RNF170: variants seen among roughly 807,000 people sequenced by gnomAD.
The protein encoded by RNF170 is E3 ubiquitin-protein ligase RNF170.
In RNF170, 12 loss-of-function variants were observed where a neutral mutation model predicts 32.7. That is an observed-to-expected ratio of 0.37 (90% CI 0.24 to 0.60). The LOEUF (loss-of-function observed/expected upper bound fraction) is 0.60. RNF170 is among the 20% of genes least tolerant of loss of function. The probability of loss-of-function intolerance (pLI) is 0.72; values close to 1 mark genes in which losing one functional copy is unlikely to be tolerated. For synonymous variants in RNF170, 91 were observed against 103.6 expected (o/e 0.88, Z 0.74); for missense variants, 212 against 311.2 (o/e 0.68, Z 2.40).
At chr8:42,892,624 A>G (rs746656286) in intron 1 of RNF170, among the ~76,000 whole-genome samples, 1 of 151,572 alleles carries the variant, frequency 6.6e-6, no homozygotes, top group Non-Finnish European at 1.5e-5. Flanking sequence ...ATATAAAGTA[A>G]TATCTTACTG....
intron 1 of RNF170, among the ~76,000 whole-genome samples, chr8:42,894,512 C>T (rs775918951): frequency 3.3e-5 from 5 of 152,122 alleles, no homozygotes; most frequent in Non-Finnish European, 7.3e-5. Flanking sequence ...TCTAGTTTGA[C>T]AAATATCCAG....
At position 42,853,640 on chromosome 8, in the gene RNF170, A is replaced by G. The variant is rs975446361; in HGVS notation, c.*2519T>C. ...AAAAAAAATCCAAATTGTTACTTTG[A>G]TTTATATGATCTAACTCTGAATCAC... On this transcript the variant is annotated 3_prime_UTR_variant, in exon 7 of 7. Transcript: ENST00000527424. The G allele has an allele frequency of 5.4e-6, 7 of 1,284,526 alleles. No homozygotes were observed. The African/African-American group carries it at 9.1e-5, about 17-fold the overall frequency. 79.6% of individuals were successfully genotyped at this position (1,284,526 alleles called of 1,614,324 possible).
intron 3 of RNF170, 28 bp from the exon 4 acceptor site, chr8:42,870,140 G>A: frequency 6.7e-7 from 1 of 1,492,676 alleles, no homozygotes; most frequent in Non-Finnish European, 9.3e-7. Flanking sequence ...GCACACATTG[G>A]AACACAACAC....
chr8:42,860,555 T>G (rs1407142977), intron 6 of RNF170, among the ~76,000 whole-genome samples: 2 of 151,244 alleles, frequency 1.3e-5, no homozygotes. Flanking sequence ...TCCAAGTAGC[T>G]GGGACTACAG....
rs201299411 is a variant in RNF170, at chr8:42,868,972, A to G, written c.322+1032T>C. Among the ~76,000 whole-genome samples the G allele has an allele frequency of 4.6e-5, 7 of 152,200 alleles. No individual in the cohort carries two copies. In the East Asian group the frequency reaches 9.7e-4, roughly 21 times the overall value. ...GCTGCCCATGCTGGAGTGCAGTAGC[A>G]TGATCACAGTTCATTGCAGGCTCAA... On this transcript the variant is annotated intron_variant, in intron 4 of 6. Coordinates refer to ENST00000527424, the MANE Select transcript of RNF170 (RefSeq NM_030954.4).
intron 3 of RNF170, among the ~76,000 whole-genome samples, chr8:42,872,418 G>T (rs997688357): frequency 6.6e-6 from 1 of 152,100 alleles, no homozygotes; most frequent in African/African-American, 2.4e-5. Flanking sequence ...AATTGTTATG[G>T]AACACAGTAC....
upstream of RNF170, chr8:42,896,748 AGCGGCGGCGGCGGCGGCGGCGGCGGCG>A: frequency 6.9e-6 from 1 of 145,712 alleles, no homozygotes; most frequent in South Asian, 2.0e-4. Flanking sequence ...GCCCGGCGGC[AGCGGCGGCGGCGGCGGCGGCGGCGGCG>A]GCGCGGCGGC....
At chr8:42,871,087 G>A (rs540953839) in intron 3 of RNF170, among the ~76,000 whole-genome samples, 1 of 152,010 alleles carries the variant, frequency 6.6e-6, no homozygotes, top group Admixed American at 6.6e-5. Context: ...GCGCACACCT[G>A]TAGTCCCAGC....
At chr8:42,896,447 C>T (rs1452928653) in intron 1 of RNF170, 37 bp downstream of exon 1, 2 of 453,424 alleles carry the variant, frequency 4.4e-6, no homozygotes, top group East Asian at 1.4e-4. Flanking sequence ...CCGCGGGCCC[C>T]GATAGGGTGG....
In RNF170 at chr8:42,896,492, C is replaced by G. The variant is rs953943622; in HGVS notation, c.-16G>C. 2.2e-6 allele frequency: 1 copy of G among 453,860 alleles called. No homozygotes were observed. The highest frequency in any genetic ancestry group is 1.6e-5 in the South Asian group (1 of 64,470). 28.1% of individuals were successfully genotyped at this position (453,860 alleles called of 1,614,324 possible). On this transcript the variant is annotated 5_prime_UTR_variant, in exon 1 of 7. Coordinates refer to ENST00000527424, the MANE Select transcript of RNF170 (RefSeq NM_030954.4). ...CCGCGCGCCGGACGTACCTCTCCAC[C>G]GCGAAGGAACTACCTCGCCAGTTCC... is the stretch of plus-strand genomic sequence containing the variant.
Position 42,855,206 on chromosome 8 carries a change from G to A in RNF170, c.*953C>T. 1 of 1,279,008 alleles carries A rather than the reference G, an allele frequency of 7.8e-7. No homozygotes were observed. The highest frequency in any genetic ancestry group is 1.0e-6 in the Non-Finnish European group (1 of 981,922). 79.2% of individuals were successfully genotyped at this position (1,279,008 alleles called of 1,614,324 possible). A position where few individuals can be genotyped will look rare whatever the true frequency, so the allele number is the denominator to read the frequency against. On this transcript the variant is annotated 3_prime_UTR_variant, in exon 7 of 7. Coordinates refer to ENST00000527424, the MANE Select transcript of RNF170 (RefSeq NM_030954.4). ...TCTAACTGTGAACATCAAGTGTGCT[G>A]ACTGGAGATAAATGTTTTTCATCTT...
At chr8:42,860,425 A>G (rs1803568281) in intron 6 of RNF170, among the ~76,000 whole-genome samples, 1 of 151,932 alleles carries the variant, frequency 6.6e-6, no homozygotes, top group Non-Finnish European at 1.5e-5. Flanking sequence ...TATCCCTCCA[A>G]ACTTTTTTTT....
chr8:42,876,081 C>T (rs891231088), intron 2 of RNF170, among the ~76,000 whole-genome samples: 1 of 151,960 alleles, frequency 6.6e-6, no homozygotes, highest in Non-Finnish European at 1.5e-5. Flanking sequence ...GAAAACCATT[C>T]CCTTTTCATT....
rs896440000 is a variant in RNF170, at chr8:42,855,731, C to T, written c.*428G>A. The T allele has an allele frequency of 1.6e-6, 2 of 1,253,626 alleles. No homozygotes were observed. Among genetic ancestry groups the T allele is most frequent in the African/African-American group, 1.6e-5 (1 of 64,504 alleles). The allele number at this position is 1,253,626 out of a possible 1,614,324, so 77.7% of individuals were successfully genotyped here. A position where few individuals can be genotyped will look rare whatever the true frequency, so the allele number is the denominator to read the frequency against. ...AATAGTATATAATATTTTATTGGAA[C>T]AAAAATATTTAGATGAGTTTCACAG... On this transcript the variant is annotated 3_prime_UTR_variant, in exon 7 of 7. Transcript: ENST00000527424.
chr8:42,872,873 T>C (rs1280398327), intron 3 of RNF170, among the ~76,000 whole-genome samples: 2 of 152,082 alleles, frequency 1.3e-5, no homozygotes. Flanking sequence ...AAATATCTGG[T>C]GAATGGATAA....
In RNF170 at chr8:42,855,200, T is replaced by C. The variant is rs989848047; in HGVS notation, c.*959A>G. On this transcript the variant is annotated 3_prime_UTR_variant, in exon 7 of 7. Coordinates refer to ENST00000527424, the MANE Select transcript of RNF170 (RefSeq NM_030954.4). ...TAAATGTCTAACTGTGAACATCAAG[T>C]GTGCTGACTGGAGATAAATGTTTTT... is the stretch of plus-strand genomic sequence containing the variant. The C allele has an allele frequency of 3.9e-6, 5 of 1,286,130 alleles. No homozygotes were observed. Among genetic ancestry groups the C allele is most frequent in the Admixed American group, 2.3e-5 (1 of 43,484 alleles). The allele number at this position is 1,286,130 out of a possible 1,614,324, so 79.7% of individuals were successfully genotyped here. A position where few individuals can be genotyped will look rare whatever the true frequency, so the allele number is the denominator to read the frequency against.
intron 3 of RNF170, among the ~76,000 whole-genome samples, chr8:42,872,267 G>A (rs914842231): frequency 6.6e-5 from 10 of 152,228 alleles, no homozygotes; most frequent in African/African-American, 2.4e-4. Flanking sequence ...TAGTGTGAGT[G>A]TTAGCAAATC....
intron 1 of RNF170, among the ~76,000 whole-genome samples, chr8:42,888,130 A>C (rs916279275): frequency 6.6e-6 from 1 of 151,918 alleles, no homozygotes. Flanking sequence ...AGTGATGCGG[A>C]TCTCAGCTCA....
chr8:42,882,516 C>A (rs1282863836), intron 2 of RNF170, among the ~76,000 whole-genome samples: 1 of 152,090 alleles, frequency 6.6e-6, no homozygotes, highest in Non-Finnish European at 1.5e-5. Context: ...GCACCATACC[C>A]AATGAAATAT....
Sources: gnomAD v4.1 joint callset for allele counts (sites outside exome capture counted in the v4.1 genomes callset) on GRCh38, gnomAD v4.1.1 for gene constraint, MANE v1.5 for transcripts, NCBI Gene and HGNC (gene_info 2026-07-23, HGNC 2026-07-21) for gene names.